The following PRMT8 variants were observed in gnomAD, a reference collection of about 807,000 sequenced individuals.
PRMT8 encodes the protein protein arginine N-methyltransferase 8.
Under a neutral mutation model 47.1 loss-of-function variants are expected in PRMT8, and 7 were observed. The observed-to-expected ratio is 0.15, with a 90% CI of 0.08 to 0.28. The LOEUF is 0.28. PRMT8 is among the 10% of genes least tolerant of loss of function. PRMT8 has a pLI of 1.00. For synonymous variants in PRMT8, 188 were observed against 186.5 expected (o/e 1.01, Z -0.07); for missense variants, 237 against 505.4 (o/e 0.47, Z 5.09).
rs186551599 is a variant in PRMT8, at chr12:3,401,701, A to G, written c.48+20259A>G. On this transcript the variant is annotated intron_variant, in intron 1 of 9. Transcript: ENST00000452611. ...CCAACAACACGCAAGCAGAGAGCCA[A>G]ATCATGAATGAACTCCCATTCACAA... 6.6e-5 allele frequency among the ~76,000 whole-genome samples: 10 copies of G among 152,300 alleles called. No homozygotes were observed. In the East Asian group the frequency reaches 1.9e-3, roughly 29 times the overall value.
intron 4 of PRMT8, among the ~76,000 whole-genome samples, chr12:3,560,155 T>G (rs1317815028): frequency 1.3e-5 from 2 of 152,196 alleles, no homozygotes; most frequent in Admixed American, 1.3e-4. Context: ...ACCTGCTCAC[T>G]CACTTAGCCT....
chr12:3,551,330 G>T (rs1332266284), intron 3 of PRMT8: 1 of 152,318 alleles, frequency 6.6e-6, no homozygotes, highest in Admixed American at 6.5e-5. Flanking sequence ...GAGGGCAGGG[G>T]CCCATCCGGA....
chr12:3,454,578 G>A (rs1864954472), intron 1 of PRMT8, among the ~76,000 whole-genome samples: 1 of 152,116 alleles, frequency 6.6e-6, no homozygotes, highest in Admixed American at 6.5e-5. Context: ...GCGGGCAAGA[G>A]CGGCATGTGG....
At chr12:3,587,639 C>A (rs1867210015) in intron 8 of PRMT8, among the ~76,000 whole-genome samples, 1 of 152,112 alleles carries the variant, frequency 6.6e-6, no homozygotes, top group South Asian at 2.1e-4. Context: ...GTTCCTTATT[C>A]CCTTGCTATT....
At chr12:3,445,108 T>G (rs1160045818) in intron 1 of PRMT8, among the ~76,000 whole-genome samples, 1 of 152,276 alleles carries the variant, frequency 6.6e-6, no homozygotes, top group African/African-American at 2.4e-5. Flanking sequence ...TGGAGACCGC[T>G]TGCTCCTGCT....
In PRMT8 at chr12:3,492,016, A is replaced by G. The variant is rs1361311282; in HGVS notation, c.75+316A>G. On this transcript the variant is annotated intron_variant, in intron 1 of 9. Coordinates refer to ENST00000382622, the MANE Select transcript of PRMT8 (RefSeq NM_019854.5). The surrounding 1 kb of genome is among the most constrained non-coding windows in gnomAD (Gnocchi z 7.5). Reference sequence around the variant, plus strand: ...CCCTTCTCCCGCCCCCAAGTCCCAAACCCCGGGCAGCCGCGCTCCCCTGCC... The same window carrying G: ...CCCTTCTCCCGCCCCCAAGTCCCAAGCCCCGGGCAGCCGCGCTCCCCTGCC... Among the ~76,000 whole-genome samples, 2 of 150,692 alleles carry G rather than the reference A, an allele frequency of 1.3e-5. No homozygotes were observed. Among genetic ancestry groups the G allele is most frequent in the African/African-American group, 4.9e-5 (2 of 40,892 alleles).
intron 1 of PRMT8, among the ~76,000 whole-genome samples, chr12:3,516,520 G>A (rs938416630): frequency 6.6e-6 from 1 of 152,116 alleles, no homozygotes; most frequent in Non-Finnish European, 1.5e-5. Flanking sequence ...AGTGGTGTCC[G>A]GTGCTGAAGA....
intron 1 of PRMT8, among the ~76,000 whole-genome samples, chr12:3,438,855 T>C (rs1757105589): frequency 1.3e-5 from 2 of 152,268 alleles, no homozygotes; most frequent in Non-Finnish European, 2.9e-5. Flanking sequence ...AGGGATTACT[T>C]TCTTGGCATT....
At chr12:3,420,201 ACTCT>A (rs151074859) in intron 1 of PRMT8, among the ~76,000 whole-genome samples, 2 of 148,960 alleles carry the variant, frequency 1.3e-5, no homozygotes, top group Non-Finnish European at 3.0e-5. Context: ...CAGACTCAAA[ACTCT>A]CTCTCTCTCT....
chr12:3,411,515 A>AC (rs1326258206), intron 1 of PRMT8, among the ~76,000 whole-genome samples: 1 of 151,876 alleles, frequency 6.6e-6, no homozygotes, highest in African/African-American at 2.4e-5. Context: ...ATGGGAAAAA[A>AC]CCCCTGTATG....
At chr12:3,459,809 C>T (rs556446958) in intron 1 of PRMT8, among the ~76,000 whole-genome samples, 13 of 152,240 alleles carry the variant, frequency 8.5e-5, no homozygotes, top group African/African-American at 3.1e-4. Flanking sequence ...CAGGGACTCC[C>T]TGTCTCTTTC....
At chr12:3,476,007 T>C (rs138803632) in intron 1 of PRMT8, among the ~76,000 whole-genome samples, 2 of 152,310 alleles carry the variant, frequency 1.3e-5, no homozygotes, top group African/African-American at 4.8e-5. Context: ...GGCTGGAAAC[T>C]CAGCAGAGCC....
At chr12:3,450,211 G>T (rs1864902595) in intron 1 of PRMT8, among the ~76,000 whole-genome samples, 1 of 152,110 alleles carries the variant, frequency 6.6e-6, no homozygotes, top group Non-Finnish European at 1.5e-5. Flanking sequence ...TTAAATGTTT[G>T]TTGTAATGTG....
chr12:3,460,279 A>G (rs1860425), intron 1 of PRMT8, among the ~76,000 whole-genome samples: 94,955 of 152,020 alleles, frequency 0.62, 30,217 homozygotes, highest in Non-Finnish European at 0.7. Context: ...TTGGGATATC[A>G]TGGGAGCAAA....
chr12:3,538,463 G>A lies in PRMT8; in HGVS notation c.76-2143G>A. On this transcript the variant is annotated intron_variant, in intron 1 of 9. Transcript: ENST00000382622. This position sits in a 1 kb window ranked among gnomAD's most constrained non-coding sequence, Gnocchi z 4.6. Reference sequence around the variant, plus strand: ...GTCGCTGAATGTTCAGGGATCACAGGCCACTGCCGTTTCCCACCCACTCCC... The same window carrying A: ...GTCGCTGAATGTTCAGGGATCACAGACCACTGCCGTTTCCCACCCACTCCC... 2 of 360,964 alleles carry A rather than the reference G, an allele frequency of 5.5e-6. No individual in the cohort carries two copies. Among genetic ancestry groups the A allele is most frequent in the Non-Finnish European group, 1.1e-5 (2 of 182,894 alleles). 22.4% of individuals were successfully genotyped at this position (360,964 alleles called of 1,614,324 possible). A position where few individuals can be genotyped will look rare whatever the true frequency, so the allele number is the denominator to read the frequency against.
chr12:3,419,843 A>T (rs2137060365), intron 1 of PRMT8, among the ~76,000 whole-genome samples: 1 of 151,776 alleles, frequency 6.6e-6, no homozygotes, highest in Admixed American at 6.6e-5. Context: ...GCATGGCCTC[A>T]CACAGCACCC....
rs1265505728 is a variant in PRMT8 at position 3,538,760 on chromosome 12, C to T, written c.76-1846C>T. The T allele has an allele frequency of 3.9e-6, 2 of 518,438 alleles. No individual in the cohort carries two copies. The highest frequency in any genetic ancestry group is 3.9e-6 in the Non-Finnish European group (1 of 259,642). 32.1% of individuals were successfully genotyped at this position (518,438 alleles called of 1,614,324 possible). Reference sequence around the variant, plus strand: ...GCACTTGACACAGTCTATTTTTAGCCTCCCAGAGACCGTGACCAACATCCC... The same window carrying T: ...GCACTTGACACAGTCTATTTTTAGCTTCCCAGAGACCGTGACCAACATCCC... On this transcript the variant is annotated intron_variant, in intron 1 of 9. Coordinates refer to ENST00000382622, the MANE Select transcript of PRMT8 (RefSeq NM_019854.5). The surrounding 1 kb of genome is among the most constrained non-coding windows in gnomAD (Gnocchi z 4.6).
intron 1 of PRMT8, among the ~76,000 whole-genome samples, chr12:3,423,895 G>C (rs141492825): frequency 6.6e-6 from 1 of 152,214 alleles, no homozygotes; most frequent in East Asian, 1.9e-4. Flanking sequence ...TCCAATAATT[G>C]AGGCTTTCAG....
At chr12:3,464,983 G>A (rs1865078050) in intron 1 of PRMT8, among the ~76,000 whole-genome samples, 2 of 151,484 alleles carry the variant, frequency 1.3e-5, no homozygotes, top group African/African-American at 4.9e-5. Flanking sequence ...AATTAGCCGG[G>A]CGTGGTGGTG....
Sources: allele counts gnomAD v4.1 joint callset (sites outside exome capture counted in the v4.1 genomes callset), GRCh38; gene constraint gnomAD v4.1.1; non-coding constraint Gnocchi (gnomAD v3.1); transcripts MANE v1.5; gene names NCBI Gene and HGNC (gene_info 2026-07-23, HGNC 2026-07-21).